Variants in CSMD1 observed in about 807,000 individuals in gnomAD.
CSMD1 encodes the protein CUB and sushi domain-containing protein 1.
Under a neutral mutation model 417.5 loss-of-function variants are expected in CSMD1, and 213 were observed. That is an observed-to-expected ratio of 0.51 (90% CI 0.46 to 0.57). The LOEUF (loss-of-function observed/expected upper bound fraction) is 0.57. Ranked by LOEUF, CSMD1 falls within the 20% of genes least tolerant of loss-of-function variation. The pLI is 0.00. For synonymous variants in CSMD1, 2,862 were observed against 1,736.8 expected, an observed-to-expected ratio of 1.65 and a Z score of -16.11; for missense variants, 6,923 against 4,529.7, an observed-to-expected ratio of 1.53 and a Z score of -15.17.
At chr8:3,661,897 T>C (rs1798436894) in intron 7 of CSMD1, among the ~76,000 whole-genome samples, 2 of 152,176 alleles carry the variant, frequency 1.3e-5, no homozygotes, top group African/African-American at 2.4e-5. Context: ...TACAGGAAGA[T>C]GGAAGAAGAC....
At chr8:4,750,181 G>C (rs1360846051) in intron 1 of CSMD1, among the ~76,000 whole-genome samples, 1 of 151,748 alleles carries the variant, frequency 6.6e-6, no homozygotes, top group Non-Finnish European at 1.5e-5. Context: ...AATTTTTTTT[G>C]TATTTTTAGT....
intron 7 of CSMD1, among the ~76,000 whole-genome samples, chr8:3,689,434 A>C (rs991293953): frequency 9.9e-5 from 15 of 152,234 alleles, no homozygotes; most frequent in African/African-American, 3.6e-4. Flanking sequence ...ATGGCGGGAT[A>C]GTTAGAAGTA....
chr8:4,186,073 G>A (rs897964021), intron 3 of CSMD1, among the ~76,000 whole-genome samples: 3 of 152,090 alleles, frequency 2.0e-5, no homozygotes, highest in East Asian at 1.9e-4. Context: ...TGTGGAAGAC[G>A]CAGCTGTTAG....
intron 1 of CSMD1, among the ~76,000 whole-genome samples, chr8:4,793,837 A>G (rs1409815541): frequency 1.1e-4 from 4 of 36,178 alleles, no homozygotes; most frequent in Admixed American, 6.6e-4. Context: ...CAGAATAGGA[A>G]AAAAAAAAAA....
chr8:3,136,952 T>A (rs934761627), intron 41 of CSMD1, among the ~76,000 whole-genome samples: 1 of 152,336 alleles, frequency 6.6e-6, no homozygotes, highest in South Asian at 2.1e-4. Flanking sequence ...ATATTTTTTT[T>A]AAATTTTATT....
At chr8:3,019,332 C>G (rs987593283) in intron 51 of CSMD1, among the ~76,000 whole-genome samples, 6 of 152,176 alleles carry the variant, frequency 3.9e-5, no homozygotes, top group African/African-American at 1.4e-4. Context: ...AATTGTCTAT[C>G]TCTCTACCTT....
In CSMD1 at chr8:3,872,241, T is replaced by C. The variant is rs143023666; in HGVS notation, c.819-118199A>G. On this transcript the variant is annotated intron_variant, in intron 5 of 69. Transcript: ENST00000635120. Reference sequence around the variant, plus strand: ...TCTGGTTGTTGTCGTTGTTGTTGTTTTTAGGGAAAAGGGTTCTTCTGTGAA... The same window carrying C: ...TCTGGTTGTTGTCGTTGTTGTTGTTCTTAGGGAAAAGGGTTCTTCTGTGAA... Among the ~76,000 whole-genome samples, 342 of 152,242 alleles carry C rather than the reference T, an allele frequency of 2.2e-3. 1 individual carries two copies. The highest frequency in any genetic ancestry group is 7.9e-3 in the African/African-American group (328 of 41,550).
intron 1 of CSMD1, among the ~76,000 whole-genome samples, chr8:4,962,197 TA>T (rs368435637): frequency 0.049 from 5,926 of 121,248 alleles, 139 homozygotes; most frequent in Non-Finnish European, 0.057. Context: ...GCTTTTTTTT[TA>T]AAAAAAAAAG....
chr8:3,488,770 G>C (rs150464652), intron 11 of CSMD1, among the ~76,000 whole-genome samples: 1 of 152,164 alleles, frequency 6.6e-6, no homozygotes. Context: ...GGTTCAAACA[G>C]TTGAGTCTGT....
chr8:3,705,105 C>G (rs1801091361), intron 7 of CSMD1, among the ~76,000 whole-genome samples: 1 of 152,218 alleles, frequency 6.6e-6, no homozygotes, highest in African/African-American at 2.4e-5. Flanking sequence ...AGGCTACTTT[C>G]AAAGGCTCTG....
intron 1 of CSMD1, among the ~76,000 whole-genome samples, chr8:4,728,773 C>G (rs1407637747): frequency 6.6e-6 from 1 of 151,824 alleles, no homozygotes; most frequent in African/African-American, 2.4e-5. Flanking sequence ...AAAAAAATAA[C>G]CAGATGTCTG....
At chr8:2,972,993 G>A in intron 57 of CSMD1, 124 bp downstream of exon 57, 1 of 931,932 alleles carries the variant, frequency 1.1e-6, no homozygotes, top group Non-Finnish European at 1.6e-6. Context: ...ATATTGCGGG[G>A]AAAAGATTTA....
At chr8:3,738,276 T>C (rs1414291938) in intron 6 of CSMD1, among the ~76,000 whole-genome samples, 3 of 152,116 alleles carry the variant, frequency 2.0e-5, no homozygotes, top group African/African-American at 7.2e-5. Context: ...ACGATCACAG[T>C]GGAAGGAAGA....
At chr8:3,116,571 A>G (rs1222310452) in intron 42 of CSMD1, among the ~76,000 whole-genome samples, 1 of 152,196 alleles carries the variant, frequency 6.6e-6, no homozygotes, top group Non-Finnish European at 1.5e-5. Flanking sequence ...AGCTAATTCT[A>G]GATGGTGTTA....
At chr8:3,686,313 T>C (rs2129030843) in intron 7 of CSMD1, among the ~76,000 whole-genome samples, 1 of 152,238 alleles carries the variant, frequency 6.6e-6, no homozygotes, top group Non-Finnish European at 1.5e-5. Context: ...GCTAACACTG[T>C]GACTTTCAGG....
At chr8:4,221,431 G>C (rs540074271) in intron 3 of CSMD1, among the ~76,000 whole-genome samples, 16 of 151,710 alleles carry the variant, frequency 1.1e-4, no homozygotes, top group Admixed American at 3.9e-4. Context: ...GAAGCTACTG[G>C]GTTAACAGAC....
chr8:3,238,734 C>A (rs541746970), intron 26 of CSMD1, among the ~76,000 whole-genome samples: 2 of 152,066 alleles, frequency 1.3e-5, no homozygotes, highest in Admixed American at 6.5e-5. Context: ...AGAATTGGGA[C>A]CACCCAGGAC....
rs544286128 is a variant in CSMD1, at chr8:3,665,550, G to A, written c.1009+42864C>T. On this transcript the variant is annotated intron_variant, in intron 7 of 69. Coordinates refer to ENST00000635120, the MANE Select transcript of CSMD1 (RefSeq NM_033225.6). ...TCTCAAAGATATATATATTTGTCAGGAAAATAATTAGTATCTTGATTCCTT... is the reference window on the plus strand; with the variant it reads ...TCTCAAAGATATATATATTTGTCAGAAAAATAATTAGTATCTTGATTCCTT... Among the ~76,000 whole-genome samples, 5 of 152,116 alleles carry A rather than the reference G, an allele frequency of 3.3e-5. No individual in the cohort carries two copies. The South Asian group carries it at 1.0e-3, about 32-fold the overall frequency.
intron 52 of CSMD1, among the ~76,000 whole-genome samples, chr8:3,014,693 G>T (rs1808689141): frequency 6.6e-6 from 1 of 152,142 alleles, no homozygotes; most frequent in African/African-American, 2.4e-5. Context: ...CAGGAGGATT[G>T]CTTGAGCCCA....
Sources: gnomAD v4.1 joint callset for allele counts (sites outside exome capture counted in the v4.1 genomes callset) on GRCh38, gnomAD v4.1.1 for gene constraint, MANE v1.5 for transcripts, NCBI Gene and HGNC (gene_info 2026-07-23, HGNC 2026-07-21) for gene names.